Variants in GRID2IP observed in about 807,000 individuals in gnomAD.
The protein encoded by GRID2IP is delphilin.
Under a neutral mutation model 114.3 loss-of-function variants are expected in GRID2IP, and 78 were observed. The ratio of observed to expected loss-of-function variants is 0.68; its 90% CI spans 0.57 to 0.82. The LOEUF (loss-of-function observed/expected upper bound fraction) is 0.82, where lower values mean the gene tolerates loss of function less well. Among genes scored for constraint, GRID2IP ranks in the 40% least tolerant of loss-of-function variants. GRID2IP has a pLI of 0.00. For synonymous variants in GRID2IP, 809 were observed against 724.0 expected (o/e 1.12, Z -1.89); for missense variants, 1,727 against 1,678.5 (o/e 1.03, Z -0.51).
intron 18 of GRID2IP, among the ~76,000 whole-genome samples, chr7:6,502,489 A>G (rs1449936199): frequency 6.6e-6 from 1 of 152,192 alleles, no homozygotes; most frequent in African/African-American, 2.4e-5. Context: ...TGCCGGGATT[A>G]CAGGCATGAG....
Position 6,508,381 on chromosome 7 carries a change from C to T in GRID2IP, c.2148G>A (p.Gln716=). 1 of 1,551,432 alleles carries T rather than the reference C, an allele frequency of 6.4e-7. No individual in the cohort carries two copies. ...TCCGCTCATTGGTTACGAAGCTGCC[C>T]TGGTCATCATGGAAGCTCATCTGGT... is the stretch of plus-strand genomic sequence containing the variant. The part of the protein sequence containing the change: ...DYEEMSFHDD[Q]GSFVTNERSS... The change falls in exon 13 of 22, where the codon CAG becomes CAA. Residue 716 remains glutamine (Q), a synonymous_variant. Transcript: ENST00000457091. The surrounding 1 kb of genome is among the most constrained non-coding windows in gnomAD (Gnocchi z 5.6).
At chr7:6,531,353 A>G (rs1779619803) in intron 2 of GRID2IP, among the ~76,000 whole-genome samples, 1 of 151,844 alleles carries the variant, frequency 6.6e-6, no homozygotes, top group African/African-American at 2.4e-5. Flanking sequence ...CGGCGGTTTG[A>G]AGCCGCCGCG....
intron 1 of GRID2IP, among the ~76,000 whole-genome samples, chr7:6,542,177 C>T (rs558937757): frequency 2.2e-4 from 34 of 151,818 alleles, no homozygotes; most frequent in African/African-American, 7.7e-4. Flanking sequence ...TGGTGGGTGC[C>T]TTTATTCATC....
At position 6,536,822 on chromosome 7, in the gene GRID2IP, C is replaced by T. The variant is rs2115093814; in HGVS notation, c.584+2896G>A. On this transcript the variant is annotated intron_variant, in intron 2 of 21. Coordinates refer to ENST00000457091, the MANE Select transcript of GRID2IP (RefSeq NM_001145118.2). This position sits in a 1 kb window ranked among gnomAD's most constrained non-coding sequence, Gnocchi z 5.3. ...GATTCTCCTAGCAAGGGGCTCACCC[C>T]TTACTCACCCCAGGCAGCTCATGGT... 1.4e-6 allele frequency: 1 copy of T among 699,778 alleles called. No homozygotes were observed. Among genetic ancestry groups the T allele is most frequent in the East Asian group, 2.7e-5 (1 of 37,114 alleles). 43.3% of individuals were successfully genotyped at this position (699,778 alleles called of 1,614,324 possible).
intron 2 of GRID2IP, among the ~76,000 whole-genome samples, chr7:6,531,839 G>A (rs1455010681): frequency 6.6e-6 from 1 of 152,202 alleles, no homozygotes; most frequent in African/African-American, 2.4e-5. Flanking sequence ...GCTGGGAGGT[G>A]ACCCAGAGGG....
rs1188931371 is a variant in GRID2IP at position 6,506,689 on chromosome 7, T to G, written c.2545-782A>C. On this transcript the variant is annotated intron_variant, in intron 13 of 21. Coordinates refer to ENST00000457091, the MANE Select transcript of GRID2IP (RefSeq NM_001145118.2). The surrounding 1 kb of genome is among the most constrained non-coding windows in gnomAD (Gnocchi z 5.2). The stretch of plus-strand genomic sequence containing the variant: ...CCTTGTCTCACTGAGGTATTTTTTT[T>G]TTTTTTTTTTTAGATAGGGTCTCAC... Among the ~76,000 whole-genome samples the G allele has an allele frequency of 6.7e-6, 1 of 148,574 alleles. No individual in the cohort carries two copies. The highest frequency in any genetic ancestry group is 1.5e-5 in the Non-Finnish European group (1 of 67,230).
Position 6,508,986 on chromosome 7 carries a change from A to T in GRID2IP, c.2099T>A (p.Phe700Tyr). Residue 700 changes from phenylalanine to tyrosine, a missense_variant, in exon 12 of 22, where the codon TTC (phenylalanine) becomes TAC (tyrosine). By Grantham distance (22) the Phe-to-Tyr change is conservative. Coordinates refer to ENST00000457091, the MANE Select transcript of GRID2IP (RefSeq NM_001145118.2). The surrounding 1 kb of genome is among the most constrained non-coding windows in gnomAD (Gnocchi z 5.6). ...LGPRVTIVDD[F>Y]LTPENDYEEM... The stretch of plus-strand genomic sequence containing the variant: ...CTCGTAGTCGTTCTCCGGGGTCAGG[A>T]AATCATCCACGATGGTGACCCGGGG... The T allele has an allele frequency of 1.3e-6, 2 of 1,548,270 alleles. No individual in the cohort carries two copies. The highest frequency in any genetic ancestry group is 1.2e-5 in the South Asian group (1 of 83,996).
intron 7 of GRID2IP, among the ~76,000 whole-genome samples, chr7:6,518,096 G>A (rs1779345917): frequency 6.6e-6 from 1 of 151,562 alleles, no homozygotes; most frequent in Non-Finnish European, 1.5e-5. Context: ...GGGCATGGTA[G>A]GCGAGTGCCT....
chr7:6,505,748 G>A (rs559554926), intron 14 of GRID2IP, 72 bp downstream of exon 14: 1 of 935,858 alleles, frequency 1.1e-6, no homozygotes, highest in South Asian at 1.4e-5. Context: ...GCAGCCCTGG[G>A]AGATGCTAAG....
intron 2 of GRID2IP, among the ~76,000 whole-genome samples, 179 bp downstream of exon 2, chr7:6,539,539 A>G (rs1025145636): frequency 2.6e-5 from 4 of 152,074 alleles, no homozygotes; most frequent in Non-Finnish European, 4.4e-5. Context: ...CTGCCTTCTC[A>G]GGGTCATTGG....
At position 6,532,156 on chromosome 7, in the gene GRID2IP, C is replaced by T. The variant is rs371930627; in HGVS notation, c.585-5387G>A. ...GAGGGGACCCCAGCGTGCCTGCTTG[C>T]GTGTCATGTCTCAAGGAGTCCCGAC... On this transcript the variant is annotated intron_variant, in intron 2 of 21. Coordinates refer to ENST00000457091, the MANE Select transcript of GRID2IP (RefSeq NM_001145118.2). The surrounding 1 kb of genome is among the most constrained non-coding windows in gnomAD (Gnocchi z 4.4). 1.8e-4 allele frequency among the ~76,000 whole-genome samples: 28 copies of T among 152,228 alleles called. No individual in the cohort carries two copies. In the East Asian group the frequency reaches 4.1e-3, roughly 22 times the overall value.
At chr7:6,501,649 G>A in intron 20 of GRID2IP, 132 bp downstream of exon 20, 1 of 701,470 alleles carries the variant, frequency 1.4e-6, no homozygotes, top group South Asian at 1.6e-5. Flanking sequence ...CAGGACCCCT[G>A]GGTGCACAGC....
chr7:6,526,195 A>ACTCTTAGGGC lies in GRID2IP; in HGVS notation c.919+19_919+28dup, dbSNP rs1457646368. The ACTCTTAGGGC allele has an allele frequency of 2.0e-6, 3 of 1,533,744 alleles. No individual in the cohort carries two copies. The highest frequency in any genetic ancestry group is 2.8e-5 in the African/African-American group (2 of 72,428). ...CTTCACCCCATCCTGGGCCTTAGGG[A>ACTCTTAGGGC]CTCTTAGGGCAACCGGCCCACCCCT... On this transcript the variant is annotated intron_variant, in intron 4 of 21. Transcript: ENST00000457091. The surrounding 1 kb of genome is among the most constrained non-coding windows in gnomAD (Gnocchi z 7.6).
At position 6,508,214 on chromosome 7, in the gene GRID2IP, C is replaced by T. The variant is rs536138132; in HGVS notation, c.2315G>A (p.Arg772His). 1.4e-4 allele frequency: 171 copies of T among 1,194,232 alleles called. 1 individual carries two copies. The African/African-American group carries it at 2.0e-3, about 14-fold the overall frequency. The allele number at this position is 1,194,232 out of a possible 1,614,324, so 74.0% of individuals were successfully genotyped here. ...AGGGCCCCGGGAACCATCAGAGCTG[C>T]GGGAGCTGGGCTTAGCGTCATGGAA... ...LPFHDAKPSS[R>H]SSDGSRGPAQ... is the part of the protein sequence containing the mutation. The change falls in exon 13 of 22, where the codon CGC becomes CAC. Residue 772 changes from arginine (R) to histidine (H), a missense_variant. Coordinates refer to ENST00000457091, the MANE Select transcript of GRID2IP (RefSeq NM_001145118.2). This position sits in a 1 kb window ranked among gnomAD's most constrained non-coding sequence, Gnocchi z 5.6.
chr7:6,521,063 T>G lies in GRID2IP; in HGVS notation c.1085-302A>C, dbSNP rs574644473. On this transcript the variant is annotated intron_variant, in intron 6 of 21. Coordinates refer to ENST00000457091, the MANE Select transcript of GRID2IP (RefSeq NM_001145118.2). The surrounding 1 kb of genome is among the most constrained non-coding windows in gnomAD (Gnocchi z 4.1). ...TCGGCTCACTGCAACCTCCGCTTCCTGGGTTCAAGTGATTCTCTTGCCTCA... is the reference window on the plus strand; with the variant it reads ...TCGGCTCACTGCAACCTCCGCTTCCGGGGTTCAAGTGATTCTCTTGCCTCA... Among the ~76,000 whole-genome samples, 1 of 152,274 alleles carries G rather than the reference T, an allele frequency of 6.6e-6. No homozygotes were observed. Among genetic ancestry groups the G allele is most frequent in the Non-Finnish European group, 1.5e-5 (1 of 67,996 alleles).
rs1341805427 is a variant in GRID2IP, at chr7:6,503,144, T to C, written c.2927A>G (p.Tyr976Cys). The C allele has an allele frequency of 6.5e-7, 1 of 1,538,006 alleles. No individual in the cohort carries two copies. Among genetic ancestry groups the C allele is most frequent in the South Asian group, 1.2e-5 (1 of 82,870 alleles). ...GTGGAGGCTGCGCAGGCGTGTCTTG[T>C]ATTCGGGAACTGACAGCATCTGCCT... The part of the protein sequence containing the change: ...FVLQMLSVPE[Y>C]KTRLRSLHFQ... The change falls in exon 17 of 22, where the codon TAC (tyrosine) becomes TGC (cysteine). Residue 976 changes from tyrosine (Y) to cysteine (C), a missense_variant. Tyr to Cys is a radical substitution (Grantham distance 194). Coordinates refer to ENST00000457091, the MANE Select transcript of GRID2IP (RefSeq NM_001145118.2).
intron 7 of GRID2IP, 121 bp from the exon 8 acceptor site, chr7:6,514,650 C>T (rs751047120): frequency 4.7e-6 from 4 of 847,014 alleles, no homozygotes; most frequent in Non-Finnish European, 6.6e-6. Flanking sequence ...CTATCCCTAC[C>T]CTTCAAAGAC....
At chr7:6,504,962 A>G (rs903770757) in intron 14 of GRID2IP, 92 bp from the exon 15 acceptor site, 4 of 991,356 alleles carry the variant, frequency 4.0e-6, no homozygotes, top group Admixed American at 2.0e-5. Context: ...AACAGCCACT[A>G]TCCCCCTAAG....
Position 6,516,123 on chromosome 7 carries a change from AAT to A in GRID2IP, c.1269-1596_1269-1595del, listed in dbSNP as rs1227676296. ...AAATAATAATAATAAAAAATAAATA[AAT>A]AAATAAATAAAAATAAAGTAGGAGA... On this transcript the variant is annotated intron_variant, in intron 7 of 21. Coordinates refer to ENST00000457091, the MANE Select transcript of GRID2IP (RefSeq NM_001145118.2). The surrounding 1 kb of genome is among the most constrained non-coding windows in gnomAD (Gnocchi z 4.3). Among the ~76,000 whole-genome samples the A allele has an allele frequency of 4.6e-5, 7 of 150,900 alleles. No individual in the cohort carries two copies. The highest frequency in any genetic ancestry group is 8.9e-5 in the Non-Finnish European group (6 of 67,734).
Sources: gnomAD v4.1 joint callset for allele counts (sites outside exome capture counted in the v4.1 genomes callset) on GRCh38, gnomAD v4.1.1 for gene constraint, Gnocchi (gnomAD v3.1) non-coding constraint, MANE v1.5 for transcripts, NCBI Gene and HGNC (gene_info 2026-07-23, HGNC 2026-07-21) for gene names.